The following ACOXL variants were observed in gnomAD, a reference collection of about 807,000 sequenced individuals.
ACOXL encodes acyl-CoA oxidase like.
Under a neutral mutation model 71.9 loss-of-function variants are expected in ACOXL, and 70 were observed. That is an observed-to-expected ratio of 0.97 (90% CI 0.80 to 1.19). The LOEUF (loss-of-function observed/expected upper bound fraction) is 1.19. Ranked by LOEUF, ACOXL falls within the 50% of genes most tolerant of loss-of-function variation. The probability of loss-of-function intolerance (pLI) is 0.00; values close to 1 mark genes in which losing one functional copy is unlikely to be tolerated. For synonymous variants in ACOXL, 253 were observed against 281.6 expected, an observed-to-expected ratio of 0.90 and a Z score of 1.02; for missense variants, 703 against 736.3, an observed-to-expected ratio of 0.95 and a Z score of 0.52.
intron 1 of ACOXL, among the ~76,000 whole-genome samples, chr2:110,754,146 C>T (rs1235954702): frequency 1.3e-5 from 2 of 150,004 alleles, no homozygotes; most frequent in Non-Finnish European, 3.0e-5. Flanking sequence ...GATCTTGGCT[C>T]ACTACAGCCT....
chr2:110,874,690 G>A (rs889272465), intron 10 of ACOXL, among the ~76,000 whole-genome samples: 2 of 152,190 alleles, frequency 1.3e-5, no homozygotes, highest in African/African-American at 2.4e-5. Flanking sequence ...TGGGTGTTGC[G>A]AGGGTTTAAC....
At chr2:110,736,013 G>A (rs1676791505) in intron 1 of ACOXL, among the ~76,000 whole-genome samples, 2 of 152,042 alleles carry the variant, frequency 1.3e-5, no homozygotes, top group Admixed American at 1.3e-4. Flanking sequence ...GTAGCTCCTG[G>A]CTGCTTCCTT....
Position 110,948,776 on chromosome 2 carries a change from C to T in ACOXL, c.1059+15134C>T, listed in dbSNP as rs143417276. ...CAGTGGGCTCCTGCTCAGCCCTAGG[C>T]GGGACTCGAAGCTCGTCTGGAACAG... On this transcript the variant is annotated intron_variant, in intron 12 of 17. Coordinates refer to ENST00000439055, the MANE Select transcript of ACOXL (RefSeq NM_001142807.4). 6.7e-5 allele frequency among the ~76,000 whole-genome samples: 10 copies of T among 148,872 alleles called. No individual in the cohort carries two copies. In the East Asian group the frequency reaches 1.8e-3, roughly 27 times the overall value.
chr2:110,972,608 A>G (rs905635470), intron 12 of ACOXL, among the ~76,000 whole-genome samples: 6 of 149,214 alleles, frequency 4.0e-5, no homozygotes, highest in African/African-American at 1.5e-4. Flanking sequence ...ACACACATGC[A>G]TCTCTGTCTC....
chr2:110,932,799 T>C (rs1395188153), intron 11 of ACOXL, among the ~76,000 whole-genome samples: 1 of 152,076 alleles, frequency 6.6e-6, no homozygotes, highest in East Asian at 1.9e-4. Flanking sequence ...GGCCTGTAAA[T>C]GGATTGGAAG....
At chr2:110,974,432 G>A (rs1310478788) in intron 12 of ACOXL, among the ~76,000 whole-genome samples, 1 of 152,172 alleles carries the variant, frequency 6.6e-6, no homozygotes, top group Non-Finnish European at 1.5e-5. Context: ...CAGGGCAGAG[G>A]TTGTAGCCCC....
intron 9 of ACOXL, among the ~76,000 whole-genome samples, chr2:110,810,800 C>T (rs148726140): frequency 6.6e-6 from 1 of 152,272 alleles, no homozygotes; most frequent in East Asian, 1.9e-4. Context: ...TAAAGACATA[C>T]CTGACACTGG....
intron 9 of ACOXL, among the ~76,000 whole-genome samples, chr2:110,823,043 A>G (rs1227091612): frequency 1.3e-5 from 2 of 152,132 alleles, no homozygotes; most frequent in Non-Finnish European, 2.9e-5. Flanking sequence ...ACCTGAGGTC[A>G]GTAGTTCGAG....
chr2:110,971,210 A>G (rs780733704), intron 12 of ACOXL, among the ~76,000 whole-genome samples: 2 of 152,248 alleles, frequency 1.3e-5, no homozygotes, highest in Non-Finnish European at 2.9e-5. Flanking sequence ...AAATAAGCAC[A>G]TGAAAATAGG....
intron 1 of ACOXL, among the ~76,000 whole-genome samples, chr2:110,766,609 AG>A (rs1681103270): frequency 6.6e-6 from 1 of 152,062 alleles, no homozygotes; most frequent in African/African-American, 2.4e-5. Context: ...AGGGAAGGAG[AG>A]GGGTGAATTA....
At chr2:110,833,288 C>T (rs1174149697) in intron 9 of ACOXL, among the ~76,000 whole-genome samples, 1 of 152,190 alleles carries the variant, frequency 6.6e-6, no homozygotes, top group East Asian at 1.9e-4. Flanking sequence ...CGATGAATCT[C>T]TAGACAATTA....
In ACOXL at chr2:111,079,078, A is replaced by G. The variant is rs572896799; in HGVS notation, c.1441-13787A>G. Among the ~76,000 whole-genome samples the G allele has an allele frequency of 3.9e-5, 6 of 152,242 alleles. No homozygotes were observed. In the South Asian group the frequency reaches 1.2e-3, roughly 32 times the overall value. On this transcript the variant is annotated intron_variant, in intron 16 of 17. Coordinates refer to ENST00000439055, the MANE Select transcript of ACOXL (RefSeq NM_001142807.4). ...TTAAAAGCTGTACATGTATTTGTTT[A>G]CTTATTTTAAAAGTTTTTATAAATT...
chr2:110,753,989 G>A (rs868256742), intron 1 of ACOXL, among the ~76,000 whole-genome samples: 2 of 150,950 alleles, frequency 1.3e-5, no homozygotes, highest in Admixed American at 6.6e-5. Flanking sequence ...GCACTTTCTC[G>A]TGTGCTTGCT....
chr2:111,068,411 T>C, intron 16 of ACOXL, among the ~76,000 whole-genome samples: 1 of 152,136 alleles, frequency 6.6e-6, no homozygotes. Context: ...TGTTCTTAGA[T>C]ACACAGGTAT....
At chr2:110,864,516 G>A (rs1401424446) in intron 10 of ACOXL, among the ~76,000 whole-genome samples, 1 of 152,204 alleles carries the variant, frequency 6.6e-6, no homozygotes, top group East Asian at 1.9e-4. Context: ...GACTTGCTGA[G>A]TTATGGGATA....
intron 2 of ACOXL, among the ~76,000 whole-genome samples, chr2:110,777,369 C>A (rs538986266): frequency 6.6e-6 from 1 of 152,200 alleles, no homozygotes. Context: ...ACATACATTA[C>A]TCCATTAAAT....
intron 13 of ACOXL, among the ~76,000 whole-genome samples, chr2:110,991,033 A>G (rs1343339642): frequency 6.6e-6 from 1 of 152,216 alleles, no homozygotes; most frequent in Non-Finnish European, 1.5e-5. Flanking sequence ...ATTCTGTGAA[A>G]GAATTTGATA....
chr2:110,799,840 C>T (rs1486712878), intron 7 of ACOXL, among the ~76,000 whole-genome samples: 1 of 152,136 alleles, frequency 6.6e-6, no homozygotes, highest in East Asian at 1.9e-4. Context: ...TGCTGTGTAA[C>T]TAGCAAGAAG....
At chr2:110,867,058 C>A (rs1018583173) in intron 10 of ACOXL, among the ~76,000 whole-genome samples, 1 of 152,106 alleles carries the variant, frequency 6.6e-6, no homozygotes, top group Middle Eastern at 3.2e-3. Context: ...AAGGATAGAC[C>A]GTGCTTTGCT....
Sources: gnomAD v4.1 joint callset for allele counts (sites outside exome capture counted in the v4.1 genomes callset) on GRCh38, gnomAD v4.1.1 for gene constraint, MANE v1.5 for transcripts, NCBI Gene and HGNC (gene_info 2026-07-23, HGNC 2026-07-21) for gene names.